FGD4: variants seen among roughly 807,000 people sequenced by gnomAD.
The protein encoded by FGD4 is FYVE, RhoGEF and PH domain containing 4.
A neutral mutation model predicts 102.0 loss-of-function variants in FGD4; 42 were observed. That is an observed-to-expected ratio of 0.41 (90% CI 0.32 to 0.53). FGD4 has a LOEUF of 0.53. FGD4 is among the 20% of genes least tolerant of loss of function. The pLI, the probability that FGD4 is intolerant of heterozygous loss-of-function variation, is 0.21. For missense variants in FGD4, 902 were observed against 1,078.2 expected (o/e 0.84, Z 2.29); for synonymous variants, 380 against 375.7 (o/e 1.01, Z -0.13).
At chr12:32,442,348 C>T (rs1024505430) in intron 1 of FGD4, among the ~76,000 whole-genome samples, 3 of 152,078 alleles carry the variant, frequency 2.0e-5, no homozygotes, top group Non-Finnish European at 2.9e-5. Context: ...CCACTGCGCC[C>T]GGCCAGGACT....
intron 1 of FGD4, among the ~76,000 whole-genome samples, chr12:32,485,283 C>T (rs557918699): frequency 5.9e-5 from 9 of 152,090 alleles, no homozygotes; most frequent in South Asian, 4.2e-4. Flanking sequence ...CTAGGTAACC[C>T]GCATAACCAT....
chr12:32,453,233 ATATATTT>A (rs202242315), intron 1 of FGD4, among the ~76,000 whole-genome samples: 8,929 of 61,660 alleles, frequency 0.14, 492 homozygotes, highest in South Asian at 0.23. Flanking sequence ...ATAGATATAT[ATATATTT>A]TTTTTTTTTT....
At chr12:32,589,097 C>A (rs539424559) in intron 4 of FGD4, among the ~76,000 whole-genome samples, 89 of 152,294 alleles carry the variant, frequency 5.8e-4, no homozygotes, top group African/African-American at 2.1e-3. Context: ...GATAACATAT[C>A]TACCTTGTAA....
intron 1 of FGD4, among the ~76,000 whole-genome samples, chr12:32,471,926 A>G (rs1943424942): frequency 6.6e-6 from 1 of 152,140 alleles, no homozygotes; most frequent in Admixed American, 6.6e-5. Flanking sequence ...CAAAAATGTA[A>G]ACACCTAGAC....
intron 1 of FGD4, among the ~76,000 whole-genome samples, chr12:32,438,851 G>A (rs967281944): frequency 3.3e-5 from 5 of 151,518 alleles, no homozygotes; most frequent in African/African-American, 9.7e-5. Flanking sequence ...CTCGTGATCC[G>A]CCTGCCTTGG....
At chr12:32,633,791 C>T (rs902610164) in intron 15 of FGD4, 102 bp downstream of exon 15, 5 of 1,069,400 alleles carry the variant, frequency 4.7e-6, no homozygotes, top group Non-Finnish European at 6.7e-6. Flanking sequence ...TCTCAGCTCA[C>T]TGCAACCTCA....
intron 1 of FGD4, among the ~76,000 whole-genome samples, chr12:32,456,399 C>T (rs1942950117): frequency 6.6e-6 from 1 of 152,076 alleles, no homozygotes; most frequent in African/African-American, 2.4e-5. Context: ...TTACTTCTTT[C>T]TGTTTTCATA....
chr12:32,518,740 A>C (rs1940166945), intron 1 of FGD4, among the ~76,000 whole-genome samples: 1 of 152,134 alleles, frequency 6.6e-6, no homozygotes, highest in African/African-American at 2.4e-5. Flanking sequence ...AGTGACCACA[A>C]ACATCATAAG....
At chr12:32,633,443 G>T in intron 14 of FGD4, 106 bp from the exon 15 acceptor site, 1 of 1,234,138 alleles carries the variant, frequency 8.1e-7, no homozygotes. Flanking sequence ...ACAAAAATCT[G>T]CCTTCTATGC....
At chr12:32,522,310 C>T (rs11052041) in intron 1 of FGD4, among the ~76,000 whole-genome samples, 32,493 of 151,976 alleles carry the variant, frequency 0.21, 4,169 homozygotes, top group Middle Eastern at 0.38. Context: ...GGAAGATCCT[C>T]GTTATATTTA....
intron 2 of FGD4, among the ~76,000 whole-genome samples, chr12:32,568,059 G>A (rs182263242): frequency 9.2e-4 from 135 of 146,234 alleles, no homozygotes; most frequent in African/African-American, 3.6e-3. Flanking sequence ...AATGTCTCTG[G>A]AACAATATAT....
At chr12:32,613,861 A>G (rs1949295183) in intron 10 of FGD4, among the ~76,000 whole-genome samples, 2 of 152,332 alleles carry the variant, frequency 1.3e-5, no homozygotes, top group South Asian at 4.1e-4. Context: ...AAGAACAAAC[A>G]TCAAACTTAC....
At chr12:32,408,140 C>T (rs1166840730) in intron 1 of FGD4, among the ~76,000 whole-genome samples, 2 of 150,716 alleles carry the variant, frequency 1.3e-5, no homozygotes, top group Non-Finnish European at 3.0e-5. Context: ...GCTGGGATTA[C>T]AGGCCACACC....
intron 1 of FGD4, among the ~76,000 whole-genome samples, chr12:32,407,353 T>C (rs1045930045): frequency 1.3e-5 from 2 of 151,404 alleles, no homozygotes; most frequent in African/African-American, 2.4e-5. Flanking sequence ...CTTGAACTCC[T>C]GACCTCAGGT....
chr12:32,510,360 T>C (rs1406040461), intron 1 of FGD4, among the ~76,000 whole-genome samples: 1 of 152,224 alleles, frequency 6.6e-6, no homozygotes, highest in African/African-American at 2.4e-5. Flanking sequence ...TAATGTTGTA[T>C]ATGCTGTATT....
chr12:32,402,568 T>C lies in FGD4; in HGVS notation c.166+2609T>C, dbSNP rs113277833. Among the ~76,000 whole-genome samples the C allele has an allele frequency of 3.7e-3, 563 of 151,570 alleles. 3 individuals are homozygous for C. Among genetic ancestry groups the C allele is most frequent in the Non-Finnish European group, 5.5e-3 (376 of 67,956 alleles). On this transcript the variant is annotated intron_variant, in intron 1 of 16. Transcript: ENST00000534526. ...GCTCAAAGCTATCCTTCTGCCTCAG[T>C]CTCTTAAGTAGATGGGACTACAGGC...
At chr12:32,457,920 A>C (rs1056623723) in intron 1 of FGD4, among the ~76,000 whole-genome samples, 2 of 152,142 alleles carry the variant, frequency 1.3e-5, no homozygotes, top group African/African-American at 4.8e-5. Context: ...AAATTAAATA[A>C]TTAAATAATT....
At chr12:32,495,654 C>T (rs1386691665) in intron 1 of FGD4, among the ~76,000 whole-genome samples, 1 of 149,706 alleles carries the variant, frequency 6.7e-6, no homozygotes, top group Non-Finnish European at 1.5e-5. Flanking sequence ...CGAGATCGCA[C>T]CACTGCACTC....
At chr12:32,549,855 G>A (rs566100690) in intron 1 of FGD4, among the ~76,000 whole-genome samples, 93 of 152,316 alleles carry the variant, frequency 6.1e-4, no homozygotes, top group South Asian at 6.2e-4. Context: ...GCAATGTTGC[G>A]AAGTAAATGT....
Sources: allele counts gnomAD v4.1 joint callset (sites outside exome capture counted in the v4.1 genomes callset), GRCh38; gene constraint gnomAD v4.1.1; transcripts MANE v1.5; gene names NCBI Gene and HGNC (gene_info 2026-07-23, HGNC 2026-07-21).